Variants in CCSER1 observed in about 807,000 individuals in gnomAD.
CCSER1 encodes coiled-coil serine rich protein 1.
A neutral mutation model predicts 82.0 loss-of-function variants in CCSER1; 41 were observed. The ratio of observed to expected loss-of-function variants is 0.50; its 90% CI spans 0.39 to 0.65. The LOEUF is 0.65. Among genes scored for constraint, CCSER1 ranks in the 30% least tolerant of loss-of-function variants. The probability of loss-of-function intolerance (pLI) is 0.00; values close to 1 mark genes in which losing one functional copy is unlikely to be tolerated. For synonymous variants in CCSER1, 414 were observed against 383.9 expected, an observed-to-expected ratio of 1.08 and a Z score of -0.92; for missense variants, 1,119 against 1,064.2, an observed-to-expected ratio of 1.05 and a Z score of -0.72.
At chr4:90,521,479 C>A (rs1773122977) in intron 5 of CCSER1, among the ~76,000 whole-genome samples, 1 of 152,126 alleles carries the variant, frequency 6.6e-6, no homozygotes, top group Non-Finnish European at 1.5e-5. Context: ...TCATTGACCA[C>A]CCACAAGCTT....
intron 9 of CCSER1, among the ~76,000 whole-genome samples, chr4:90,932,689 G>A (rs1581127332): frequency 1.3e-5 from 2 of 150,858 alleles, no homozygotes; most frequent in South Asian, 2.1e-4. Flanking sequence ...TTAGCCTGGC[G>A]TTGTTGCGGA....
chr4:90,300,921 G>A (rs1732969343), intron 1 of CCSER1, among the ~76,000 whole-genome samples: 1 of 152,116 alleles, frequency 6.6e-6, no homozygotes, highest in Admixed American at 6.5e-5. Flanking sequence ...GACCTCCAAG[G>A]CTCATGTGAT....
At chr4:90,524,938 A>C (rs768121660) in intron 5 of CCSER1, among the ~76,000 whole-genome samples, 15 of 152,154 alleles carry the variant, frequency 9.9e-5, no homozygotes, top group South Asian at 6.2e-4. Context: ...AAGGAGTGAA[A>C]GCAGTAAAAG....
intron 10 of CCSER1, among the ~76,000 whole-genome samples, chr4:91,436,672 A>G (rs1388454887): frequency 6.6e-6 from 1 of 152,198 alleles, no homozygotes; most frequent in African/African-American, 2.4e-5. Context: ...TTTCTTTAAG[A>G]TCAAGGCTAT....
chr4:91,289,036 T>A (rs1369860663), intron 10 of CCSER1, among the ~76,000 whole-genome samples: 1 of 151,982 alleles, frequency 6.6e-6, no homozygotes, highest in African/African-American at 2.4e-5. Flanking sequence ...TGAAACACAG[T>A]GCAAAGGAGA....
At chr4:90,811,908 TATACACACACACAC>T (rs1273080148) in intron 7 of CCSER1, among the ~76,000 whole-genome samples, 4 of 118,448 alleles carry the variant, frequency 3.4e-5, no homozygotes, top group Non-Finnish European at 5.4e-5. Context: ...GGAATATATA[TATACACACACACAC>T]ACACACACAC....
At chr4:91,528,992 G>GAAAC (rs1256258766) in intron 10 of CCSER1, among the ~76,000 whole-genome samples, 1 of 151,970 alleles carries the variant, frequency 6.6e-6, no homozygotes, top group African/African-American at 2.4e-5. Context: ...CCAAAATTCT[G>GAAAC]AAACAGAAAT....
chr4:91,075,663 T>A (rs931174001), intron 9 of CCSER1, among the ~76,000 whole-genome samples: 2 of 152,192 alleles, frequency 1.3e-5, no homozygotes, highest in African/African-American at 2.4e-5. Context: ...TATTTTAATA[T>A]GTGTTTTAGT....
intron 10 of CCSER1, among the ~76,000 whole-genome samples, chr4:91,294,981 C>T (rs1340768469): frequency 1.3e-5 from 2 of 151,924 alleles, no homozygotes; most frequent in African/African-American, 4.8e-5. Context: ...TACTCCAACT[C>T]AATAACAACA....
At chr4:91,413,875 G>C (rs1222665131) in intron 10 of CCSER1, among the ~76,000 whole-genome samples, 1 of 152,040 alleles carries the variant, frequency 6.6e-6, no homozygotes, top group Middle Eastern at 3.2e-3. Flanking sequence ...AGCCAGGAGA[G>C]AGTGGGATAA....
chr4:90,682,412 T>C (rs2149185373), intron 6 of CCSER1, among the ~76,000 whole-genome samples: 1 of 152,170 alleles, frequency 6.6e-6, no homozygotes, highest in East Asian at 1.9e-4. Context: ...TGGTGAATGC[T>C]TTCCTTTTCC....
At chr4:90,163,324 T>C (rs1385907023) in intron 1 of CCSER1, among the ~76,000 whole-genome samples, 2 of 152,066 alleles carry the variant, frequency 1.3e-5, no homozygotes, top group Non-Finnish European at 2.9e-5. Context: ...TATGTAGAAA[T>C]AGAACGCCAT....
chr4:91,519,786 A>G (rs993854483), intron 10 of CCSER1, among the ~76,000 whole-genome samples: 21 of 152,206 alleles, frequency 1.4e-4, no homozygotes, highest in African/African-American at 4.8e-4. Flanking sequence ...CCTGTCTTCC[A>G]TGGGTTGAGT....
chr4:91,017,321 C>T (rs1458296665), intron 9 of CCSER1: 2 of 152,142 alleles, frequency 1.3e-5, no homozygotes, highest in Non-Finnish European at 2.9e-5. Flanking sequence ...GGTCTAGAAA[C>T]TTCACTAAAG....
intron 10 of CCSER1, among the ~76,000 whole-genome samples, chr4:91,392,442 T>C (rs1209174981): frequency 1.3e-5 from 2 of 151,876 alleles, no homozygotes; most frequent in African/African-American, 4.8e-5. Flanking sequence ...TTTTCCTATT[T>C]GAACTATAAA....
At chr4:91,378,550 T>G (rs113991837) in intron 10 of CCSER1, among the ~76,000 whole-genome samples, 190 of 152,298 alleles carry the variant, frequency 1.2e-3, no homozygotes, top group African/African-American at 2.8e-3. Flanking sequence ...GGCTCTCTGT[T>G]TGTCTGTTAT....
chr4:90,781,944 G>T (rs527666564), intron 7 of CCSER1: 6 of 921,970 alleles, frequency 6.5e-6, no homozygotes, highest in Non-Finnish European at 5.2e-6. Flanking sequence ...GAATATGAAC[G>T]CAGTGTATTA....
intron 9 of CCSER1, among the ~76,000 whole-genome samples, chr4:90,955,201 C>T (rs1034372429): frequency 1.3e-5 from 2 of 152,118 alleles, no homozygotes. Context: ...ACTTGGAAGA[C>T]CCAGCTGGTC....
chr4:91,164,857 C>G (rs1022829638), intron 10 of CCSER1, among the ~76,000 whole-genome samples: 1 of 152,190 alleles, frequency 6.6e-6, no homozygotes, highest in East Asian at 1.9e-4. Context: ...TTTTTAGCTT[C>G]TTTGCAATGG....
Sources: allele counts gnomAD v4.1 joint callset (sites outside exome capture counted in the v4.1 genomes callset), GRCh38; gene constraint gnomAD v4.1.1; transcripts MANE v1.5; gene names NCBI Gene and HGNC (gene_info 2026-07-23, HGNC 2026-07-21).